TTBK1: variants seen among roughly 807,000 people sequenced by gnomAD.
TTBK1 encodes the protein tau-tubulin kinase 1.
In TTBK1, 34 loss-of-function variants were observed where a neutral mutation model predicts 108.5. The ratio of observed to expected loss-of-function variants is 0.31; its 90% CI spans 0.24 to 0.42. The LOEUF (loss-of-function observed/expected upper bound fraction) is 0.42. Ranked by LOEUF, TTBK1 falls within the 10% of genes least tolerant of loss-of-function variation. TTBK1 has a pLI of 1.00. For synonymous variants in TTBK1, 809 were observed against 795.1 expected, an observed-to-expected ratio of 1.02 and a Z score of -0.29; for missense variants, 1,539 against 1,826.0, an observed-to-expected ratio of 0.84 and a Z score of 2.86.
rs868401789 is a variant in TTBK1 at position 43,253,062 on chromosome 6, C to G, written c.256+176C>G. On this transcript the variant is annotated intron_variant, in intron 3 of 14. Transcript: ENST00000259750. The surrounding 1 kb of genome is among the most constrained non-coding windows in gnomAD (Gnocchi z 5.8). ...AGCCAGAGTCTAGGAGAGATGGGAC[C>G]GGGGTCTAAGACAGTGATGGGGCAG... 6.6e-6 allele frequency among the ~76,000 whole-genome samples: 1 copy of G among 151,906 alleles called. No individual in the cohort carries two copies. Among genetic ancestry groups the G allele is most frequent in the Non-Finnish European group, 1.5e-5 (1 of 67,988 alleles).
In TTBK1 at chr6:43,285,062, C is replaced by A. The variant is rs1287094129; in HGVS notation, c.3652C>A (p.Pro1218Thr). The change falls in exon 15 of 15, where the codon CCA (proline) becomes ACA (threonine). Residue 1218 changes from proline to threonine, a missense_variant. Pro to Thr is a conservative substitution (Grantham distance 38, BLOSUM62 -1). Coordinates refer to ENST00000259750, the MANE Select transcript of TTBK1 (RefSeq NM_032538.3). This position sits in a 1 kb window ranked among gnomAD's most constrained non-coding sequence, Gnocchi z 4.7. The stretch of plus-strand genomic sequence containing the variant: ...ACAACCTCCTGGCCGCGGCCTGGGC[C>A]CAGGGCGAGCCCAAGCCGGAGCCAG... ...PKQPPGRGLG[P>T]GRAQAGARPP... is the part of the protein sequence containing the mutation. The A allele has an allele frequency of 2.7e-6, 4 of 1,501,716 alleles. No individual in the cohort carries two copies. In the African/African-American group the frequency reaches 4.3e-5, roughly 16 times the overall value. 93.0% of individuals were successfully genotyped at this position (1,501,716 alleles called of 1,614,324 possible). A position where few individuals can be genotyped will look rare whatever the true frequency, so the allele number is the denominator to read the frequency against.
intron 9 of TTBK1, among the ~76,000 whole-genome samples, chr6:43,256,121 C>A (rs890806546): frequency 3.2e-4 from 48 of 150,666 alleles, no homozygotes; most frequent in African/African-American, 1.2e-3. Flanking sequence ...ATGAATGCTC[C>A]TTATATTATT....
chr6:43,270,616 G>C, intron 13 of TTBK1: 1 of 985,438 alleles, frequency 1.0e-6, no homozygotes, highest in Non-Finnish European at 1.2e-6. Context: ...CTTACCCCAG[G>C]AAGGCTCAGT....
At chr6:43,261,808 C>CAAAA (rs11409412) in intron 12 of TTBK1, among the ~76,000 whole-genome samples, 2 of 86,064 alleles carry the variant, frequency 2.3e-5, no homozygotes, top group Non-Finnish European at 4.5e-5. Flanking sequence ...GATTCTGTCT[C>CAAAA]AAAAAAAAAA....
Position 43,252,721 on chromosome 6 carries a change from A to C in TTBK1, c.109-18A>C. The C allele has an allele frequency of 6.2e-7, 1 of 1,613,608 alleles. No homozygotes were observed. The highest frequency in any genetic ancestry group is 1.3e-5 in the African/African-American group (1 of 74,980). ...TCAGCCTGATCCCTGAGCACCCCCT[A>C]TCCCCTCATCTTCATAGCTGAAAAA... On this transcript the variant is annotated intron_variant, in intron 2 of 14. Coordinates refer to ENST00000259750, the MANE Select transcript of TTBK1 (RefSeq NM_032538.3).
At chr6:43,272,814 C>T (rs1383326743) in intron 13 of TTBK1, among the ~76,000 whole-genome samples, 2 of 152,130 alleles carry the variant, frequency 1.3e-5, no homozygotes, top group Non-Finnish European at 2.9e-5. Context: ...TATTGTCACT[C>T]TTGTTTTCTG....
Position 43,285,289 on chromosome 6 carries a change from GAAAGGACCC to G in TTBK1, c.3881_3889del (p.Lys1294_Pro1296del), listed in dbSNP as rs1778342707. The G allele has an allele frequency of 2.3e-6, 3 of 1,292,516 alleles. No individual in the cohort carries two copies. The highest frequency in any genetic ancestry group is 2.9e-6 in the Non-Finnish European group (3 of 1,024,122). The allele number at this position is 1,292,516 out of a possible 1,614,324, so 80.1% of individuals were successfully genotyped here. ...GCACCCCCTCCCCCGGGGGCTCCAA[GAAAGGACCC>G]AGAGGGAAACTCCAGGCTCAGCGCG... is the stretch of plus-strand genomic sequence containing the variant. On this transcript the variant is annotated inframe_deletion, in exon 15 of 15. Transcript: ENST00000259750. This position sits in a 1 kb window ranked among gnomAD's most constrained non-coding sequence, Gnocchi z 4.7.
chr6:43,278,240 T>G (rs1272243821), intron 13 of TTBK1, among the ~76,000 whole-genome samples: 2 of 152,186 alleles, frequency 1.3e-5, no homozygotes, highest in African/African-American at 4.8e-5. Flanking sequence ...TGGTCCATCC[T>G]CTCCCTTCAC....
chr6:43,247,087 G>C (rs1428646883), intron 2 of TTBK1, among the ~76,000 whole-genome samples: 3 of 152,168 alleles, frequency 2.0e-5, no homozygotes, highest in Admixed American at 2.0e-4. Flanking sequence ...AGGAAGAGGG[G>C]TGGGGGAGGG....
At position 43,253,743 on chromosome 6, in the gene TTBK1, C is replaced by A; in HGVS notation, c.471+35C>A. On this transcript the variant is annotated intron_variant, in intron 5 of 14. Coordinates refer to ENST00000259750, the MANE Select transcript of TTBK1 (RefSeq NM_032538.3). This position sits in a 1 kb window ranked among gnomAD's most constrained non-coding sequence, Gnocchi z 5.8. ...GCCCCCACACGCCTCTCTGTTCCCT[C>A]CTCCAGAACACACCCCTAATTCTTT... 1 of 1,588,304 alleles carries A rather than the reference C, an allele frequency of 6.3e-7. No individual in the cohort carries two copies. The highest frequency in any genetic ancestry group is 8.6e-7 in the Non-Finnish European group (1 of 1,166,374).
chr6:43,278,010 T>A (rs1778055251), intron 13 of TTBK1, among the ~76,000 whole-genome samples: 1 of 152,134 alleles, frequency 6.6e-6, no homozygotes, highest in Admixed American at 6.5e-5. Flanking sequence ...TCATCACACA[T>A]CGCCTCCCAG....
rs1778195271 is a variant in TTBK1 at position 43,282,590 on chromosome 6, G to A, written c.1987-137G>A. On this transcript the variant is annotated intron_variant, in intron 13 of 14. Coordinates refer to ENST00000259750, the MANE Select transcript of TTBK1 (RefSeq NM_032538.3). This position sits in a 1 kb window ranked among gnomAD's most constrained non-coding sequence, Gnocchi z 5.4. ...AGTGAACAAGACAGACCCAGTGCCT[G>A]TGCTTAACTTTATGGAGCTCACACT... The A allele has an allele frequency of 1.4e-6, 1 of 714,152 alleles. No individual in the cohort carries two copies. The highest frequency in any genetic ancestry group is 2.4e-6 in the Non-Finnish European group (1 of 418,134). The allele number at this position is 714,152 out of a possible 1,614,324, so 44.2% of individuals were successfully genotyped here. A position where few individuals can be genotyped will look rare whatever the true frequency, so the allele number is the denominator to read the frequency against.
intron 10 of TTBK1, among the ~76,000 whole-genome samples, chr6:43,258,721 T>C (rs1419580554): frequency 1.3e-5 from 2 of 152,232 alleles, no homozygotes; most frequent in Non-Finnish European, 2.9e-5. Context: ...TTAGACCCAT[T>C]CCTGGGTCTA....
Position 43,265,300 on chromosome 6 carries a change from T to TGC in TTBK1, c.1986+1951_1986+1952dup, listed in dbSNP as rs879470255. Among the ~76,000 whole-genome samples the TGC allele has an allele frequency of 4.6e-5, 7 of 152,178 alleles. No homozygotes were observed. Among genetic ancestry groups the TGC allele is most frequent in the Admixed American group, 1.3e-4 (2 of 15,286 alleles). On this transcript the variant is annotated intron_variant, in intron 13 of 14. Transcript: ENST00000259750. This position sits in a 1 kb window ranked among gnomAD's most constrained non-coding sequence, Gnocchi z 4.1. ...GAGGCCTTGCCTGGGATCACATGGG[T>TGC]GCCCTGGGAAAAGCAGCTGTGGGCA...
chr6:43,265,507 C>CCCTGGCAGA lies in TTBK1; in HGVS notation c.1986+2166_1986+2174dup, dbSNP rs1777652501. Among the ~76,000 whole-genome samples, 1 of 152,218 alleles carries CCCTGGCAGA rather than the reference C, an allele frequency of 6.6e-6. No individual in the cohort carries two copies. The highest frequency in any genetic ancestry group is 2.4e-5 in the African/African-American group (1 of 41,448). On this transcript the variant is annotated intron_variant, in intron 13 of 14. Transcript: ENST00000259750. This position sits in a 1 kb window ranked among gnomAD's most constrained non-coding sequence, Gnocchi z 4.1. The stretch of plus-strand genomic sequence containing the variant: ...TAGCTGGCCTGAGTTGGAGGAGCAG[C>CCCTGGCAGA]CCTGGCAGACCTGGCAGTCAAGTGG...
At chr6:43,275,596 C>T (rs1777960011) in intron 13 of TTBK1, among the ~76,000 whole-genome samples, 1 of 152,002 alleles carries the variant, frequency 6.6e-6, no homozygotes, top group Non-Finnish European at 1.5e-5. Context: ...GGCTGCCCCC[C>T]ACCCCGCCCC....
chr6:43,258,411 A>G (rs369714960), intron 10 of TTBK1, among the ~76,000 whole-genome samples: 3 of 152,086 alleles, frequency 2.0e-5, no homozygotes, highest in African/African-American at 7.2e-5. Context: ...TGGTCGAGGG[A>G]GGAGCTGGAG....
chr6:43,267,027 G>GTGTGTGTGTGTT (rs1777698399), intron 13 of TTBK1, among the ~76,000 whole-genome samples: 1 of 151,138 alleles, frequency 6.6e-6, no homozygotes, highest in Non-Finnish European at 1.5e-5. Context: ...GTGTGTGTGT[G>GTGTGTGTGTGTT]TGTGTGTGTG....
chr6:43,256,556 T>C (rs1006638576), intron 9 of TTBK1, among the ~76,000 whole-genome samples: 1 of 152,134 alleles, frequency 6.6e-6, no homozygotes, highest in South Asian at 2.1e-4. Context: ...CTGGCCAGCA[T>C]GGTGAAACCC....
Sources: allele counts gnomAD v4.1 joint callset (sites outside exome capture counted in the v4.1 genomes callset), GRCh38; gene constraint gnomAD v4.1.1; non-coding constraint Gnocchi (gnomAD v3.1); transcripts MANE v1.5; gene names NCBI Gene and HGNC (gene_info 2026-07-23, HGNC 2026-07-21).